SEPTIN11: variants seen among roughly 807,000 people sequenced by gnomAD.
SEPTIN11 encodes the protein septin 11, also known as septin-11.
SEPTIN11 carries 25 observed loss-of-function variants against 51.4 expected under a neutral mutation model. The ratio of observed to expected loss-of-function variants is 0.49; its 90% CI spans 0.35 to 0.68. The LOEUF is 0.68. Among genes scored for constraint, SEPTIN11 ranks in the 30% least tolerant of loss-of-function variants. The pLI, the probability that SEPTIN11 is intolerant of heterozygous loss-of-function variation, is 0.00. For missense variants in SEPTIN11, 381 were observed against 520.8 expected, an observed-to-expected ratio of 0.73 and a Z score of 2.61; for synonymous variants, 174 against 184.1, an observed-to-expected ratio of 0.95 and a Z score of 0.44.
chr4:77,014,588 C>G (rs1396702498), intron 4 of SEPTIN11, among the ~76,000 whole-genome samples: 1 of 151,388 alleles, frequency 6.6e-6, no homozygotes, highest in African/African-American at 2.4e-5. Context: ...GAATATGGAA[C>G]TAAAAGTTTA....
intron 1 of SEPTIN11, among the ~76,000 whole-genome samples, chr4:76,966,678 A>G (rs898511978): frequency 1.3e-5 from 2 of 151,860 alleles, no homozygotes; most frequent in African/African-American, 4.8e-5. Context: ...CCCCGGCAAC[A>G]TGGTGAAACC....
intron 4 of SEPTIN11, among the ~76,000 whole-genome samples, chr4:77,012,395 T>G (rs1403211766): frequency 6.6e-6 from 1 of 152,222 alleles, no homozygotes; most frequent in Non-Finnish European, 1.5e-5. Flanking sequence ...TCCCTGAGCT[T>G]GCCACATTTA....
chr4:77,014,260 A>G (rs899968150), intron 4 of SEPTIN11, among the ~76,000 whole-genome samples: 3 of 152,216 alleles, frequency 2.0e-5, no homozygotes, highest in Admixed American at 6.5e-5. Context: ...TGTTTTGGCT[A>G]ATACATAGGT....
rs115213063 is a variant in SEPTIN11, at chr4:76,983,426, A to G, written c.28-12999A>G. Among the ~76,000 whole-genome samples the G allele has an allele frequency of 3.7e-3, 560 of 152,250 alleles. 3 individuals carry two copies. Among genetic ancestry groups the G allele is most frequent in the African/African-American group, 0.013 (527 of 41,560 alleles). On this transcript the variant is annotated intron_variant, in intron 1 of 9. Transcript: ENST00000264893. Reference sequence around the variant, plus strand: ...GGAATTGAGTCTGCCCACATCTGGAATGAGCTTGGAAGAGGGTATTTCCCC... The same window carrying G: ...GGAATTGAGTCTGCCCACATCTGGAGTGAGCTTGGAAGAGGGTATTTCCCC...
At chr4:77,016,617 TATATATATATATACAC>T (rs1176320285) in intron 5 of SEPTIN11, among the ~76,000 whole-genome samples, 113 of 48,398 alleles carry the variant, frequency 2.3e-3, no homozygotes, top group African/African-American at 7.4e-3. Context: ...TATATACACA[TATATATATATATACAC>T]ATATATATAT....
intron 1 of SEPTIN11, among the ~76,000 whole-genome samples, chr4:76,958,171 AC>A (rs1259727179): frequency 6.6e-6 from 1 of 152,050 alleles, no homozygotes. Context: ...TGCTGTGTCA[AC>A]CCCCGGTAGG....
intron 7 of SEPTIN11, among the ~76,000 whole-genome samples, chr4:77,027,008 G>A (rs916432168): frequency 3.9e-5 from 6 of 152,204 alleles, no homozygotes; most frequent in Non-Finnish European, 7.3e-5. Flanking sequence ...AAAGCGAAAT[G>A]TACCTCTGGA....
At chr4:77,014,659 C>T (rs1328301466) in intron 4 of SEPTIN11, among the ~76,000 whole-genome samples, 197 bp from the exon 5 acceptor site, 20 of 122,808 alleles carry the variant, frequency 1.6e-4, no homozygotes, top group Middle Eastern at 8.0e-3. Context: ...TCATCTCTAC[C>T]CCAAAAAAAA....
chr4:77,025,743 G>A (rs1486325126), intron 7 of SEPTIN11, among the ~76,000 whole-genome samples: 1 of 152,158 alleles, frequency 6.6e-6, no homozygotes, highest in East Asian at 1.9e-4. Context: ...ACTAATTACA[G>A]TTATGATTCC....
At position 77,005,782 on chromosome 4, in the gene SEPTIN11, A is replaced by T. The variant is rs760702060; in HGVS notation, c.324A>T (p.Ile108=). ...ACACCGTGGGATTTGGAGACCAGAT[A>T]AATAAAGATGACAGGTACATCTTGG... The part of the protein sequence containing the change: ...IVDTVGFGDQ[I]NKDDSYKPIV... Residue 108 remains isoleucine, a synonymous_variant, in exon 3 of 10, where the codon ATA becomes ATT. Coordinates refer to ENST00000264893, the MANE Select transcript of SEPTIN11 (RefSeq NM_018243.4). 8 of 1,613,682 alleles carry T rather than the reference A, an allele frequency of 5.0e-6. No individual in the cohort carries two copies. The highest frequency in any genetic ancestry group is 6.8e-6 in the Non-Finnish European group (8 of 1,179,754).
intron 3 of SEPTIN11, among the ~76,000 whole-genome samples, chr4:77,006,910 T>G (rs1029773546): frequency 6.6e-6 from 1 of 152,208 alleles, no homozygotes; most frequent in Non-Finnish European, 1.5e-5. Context: ...ACCAAGCTCT[T>G]TATTTTATCT....
intron 1 of SEPTIN11, among the ~76,000 whole-genome samples, chr4:76,995,085 TA>T (rs34406268): frequency 0.53 from 72,349 of 137,008 alleles, 19,439 homozygotes; most frequent in Middle Eastern, 0.62. Context: ...ACCCTGTCTC[TA>T]AAAAAAAAAA....
At position 77,000,782 on chromosome 4, in the gene SEPTIN11, T is replaced by A. The variant is rs144051645; in HGVS notation, c.142+4243T>A. Among the ~76,000 whole-genome samples the A allele has an allele frequency of 2.6e-3, 396 of 152,310 alleles. 6 individuals are homozygous for A. The highest frequency in any genetic ancestry group is 9.0e-3 in the African/African-American group (374 of 41,564). On this transcript the variant is annotated intron_variant, in intron 2 of 9. Transcript: ENST00000264893. ...TGCAATTGTTTAATGAAATGCCAGG[T>A]GCCACACGCTGGCTCATCTTATGCC...
At chr4:76,975,580 A>C (rs1722459323) in intron 1 of SEPTIN11, among the ~76,000 whole-genome samples, 1 of 152,230 alleles carries the variant, frequency 6.6e-6, no homozygotes, top group South Asian at 2.1e-4. Context: ...AAATTTCTTT[A>C]ATGTCTGACT....
At chr4:76,987,733 A>C (rs1723117991) in intron 1 of SEPTIN11, 1 of 386,288 alleles carries the variant, frequency 2.6e-6, no homozygotes, top group Admixed American at 6.4e-5. Flanking sequence ...ATTTCTCCAG[A>C]TACTGGGAGG....
intron 1 of SEPTIN11, among the ~76,000 whole-genome samples, chr4:76,950,396 AT>A (rs1459317499): frequency 1.3e-5 from 2 of 152,084 alleles, no homozygotes; most frequent in Non-Finnish European, 2.9e-5. Context: ...GAGGGGTGGG[AT>A]TTCCGTGGTG....
In SEPTIN11 at chr4:77,035,320, C is replaced by A; in HGVS notation, c.*808C>A. 1 of 985,410 alleles carries A rather than the reference C, an allele frequency of 1.0e-6. No individual in the cohort carries two copies. Among genetic ancestry groups the A allele is most frequent in the Non-Finnish European group, 1.2e-6 (1 of 829,922 alleles). The allele number at this position is 985,410 out of a possible 1,614,324, so 61.0% of individuals were successfully genotyped here. On this transcript the variant is annotated 3_prime_UTR_variant, in exon 10 of 10. Coordinates refer to ENST00000264893, the MANE Select transcript of SEPTIN11 (RefSeq NM_018243.4). ...TCTAAGGATGATGGGCTTTCTACAG[C>A]CTGCTTACCACTAACAGTAAGGAAT...
chr4:76,965,033 C>T (rs1721975297), intron 1 of SEPTIN11, among the ~76,000 whole-genome samples: 2 of 152,142 alleles, frequency 1.3e-5, no homozygotes, highest in Admixed American at 1.3e-4. Flanking sequence ...TCATTCTTAC[C>T]TAGCTTTTAA....
rs751134150 is a variant in SEPTIN11 at position 77,005,595 on chromosome 4, A to T, written c.143-6A>T. 1 of 1,610,838 alleles carries T rather than the reference A, an allele frequency of 6.2e-7. No homozygotes were observed. The highest frequency in any genetic ancestry group is 1.7e-5 in the Admixed American group (1 of 59,748). The stretch of plus-strand genomic sequence containing the variant: ...ATTCTCTGATTTTTCTTTTGTGGTT[A>T]TGTAGGTGAGACAGGCATTGGCAAA... On this transcript the variant is annotated splice_region_variant and splice_polypyrimidine_tract_variant and intron_variant, in intron 2 of 9. Transcript: ENST00000264893.
Sources: gnomAD v4.1 joint callset for allele counts (sites outside exome capture counted in the v4.1 genomes callset) on GRCh38, gnomAD v4.1.1 for gene constraint, MANE v1.5 for transcripts, NCBI Gene and HGNC (gene_info 2026-07-23, HGNC 2026-07-21) for gene names.